ATRNL1: variants seen among roughly 807,000 people sequenced by gnomAD.
The protein encoded by ATRNL1 is attractin like 1, also known as attractin-like protein 1.
A neutral mutation model predicts 182.7 loss-of-function variants in ATRNL1; 95 were observed. The ratio of observed to expected loss-of-function variants is 0.52; its 90% CI spans 0.44 to 0.62. The LOEUF (loss-of-function observed/expected upper bound fraction) is 0.62, where lower values mean the gene tolerates loss of function less well. Among genes scored for constraint, ATRNL1 ranks in the 20% least tolerant of loss-of-function variants. The pLI is 0.00. For missense variants in ATRNL1, 1,471 were observed against 1,679.5 expected, an observed-to-expected ratio of 0.88 and a Z score of 2.17; for synonymous variants, 576 against 568.3, an observed-to-expected ratio of 1.01 and a Z score of -0.19.
At chr10:115,461,890 A>T in intron 21 of ATRNL1, 51 bp from the exon 22 acceptor site, 1 of 1,346,262 alleles carries the variant, frequency 7.4e-7, no homozygotes, top group Non-Finnish European at 1.0e-6. Flanking sequence ...TTTGCTTTTT[A>T]GACAGTTTTT....
chr10:115,600,835 A>T (rs916262999), intron 26 of ATRNL1, among the ~76,000 whole-genome samples: 2 of 151,530 alleles, frequency 1.3e-5, no homozygotes, highest in East Asian at 3.9e-4. Context: ...TTTTTTCTAA[A>T]TATTTATGGT....
At chr10:115,254,162 T>G (rs1263533938) in intron 10 of ATRNL1, among the ~76,000 whole-genome samples, 2 of 152,216 alleles carry the variant, frequency 1.3e-5, no homozygotes, top group East Asian at 1.9e-4. Flanking sequence ...GTAATGGGAT[T>G]GCTGGGTCAA....
At chr10:115,237,553 T>A (rs1362361507) in intron 9 of ATRNL1, among the ~76,000 whole-genome samples, 2 of 152,250 alleles carry the variant, frequency 1.3e-5, no homozygotes, top group Non-Finnish European at 2.9e-5. Flanking sequence ...TCTGTTCAGA[T>A]CTTTTGCCTT....
chr10:115,412,251 C>G (rs372958671), intron 20 of ATRNL1, among the ~76,000 whole-genome samples: 10 of 152,048 alleles, frequency 6.6e-5, no homozygotes, highest in Non-Finnish European at 1.5e-4. Context: ...CCAAGGCCCT[C>G]GGTCCTATAG....
chr10:115,623,686 C>A (rs1857918553), intron 26 of ATRNL1, among the ~76,000 whole-genome samples: 1 of 151,792 alleles, frequency 6.6e-6, no homozygotes, highest in African/African-American at 2.4e-5. Context: ...ATACCACAAT[C>A]AGTTTTTTTA....
chr10:115,856,447 A>AAAAAAAAAAAAAAAAAC (rs1951188636), intron 28 of ATRNL1, among the ~76,000 whole-genome samples: 1 of 147,568 alleles, frequency 6.8e-6, no homozygotes, highest in Admixed American at 6.8e-5. Context: ...AAAAAAAAAA[A>AAAAAAAAAAAAAAAAAC]AAAGCCATAC....
At chr10:115,322,347 G>T (rs1554931774) in intron 18 of ATRNL1, among the ~76,000 whole-genome samples, 3 of 151,516 alleles carry the variant, frequency 2.0e-5, no homozygotes, top group Admixed American at 1.3e-4. Context: ...ACCATTTCTG[G>T]TTTTCTTTAT....
intron 26 of ATRNL1, among the ~76,000 whole-genome samples, chr10:115,612,777 A>T (rs1306361409): frequency 6.6e-6 from 1 of 152,204 alleles, no homozygotes; most frequent in South Asian, 2.1e-4. Flanking sequence ...GCATGTGCGC[A>T]TGAGGGCCCT....
chr10:115,648,405 A>G (rs1032743700), intron 26 of ATRNL1, among the ~76,000 whole-genome samples: 7 of 152,318 alleles, frequency 4.6e-5, no homozygotes, highest in Admixed American at 1.3e-4. Context: ...ATTCAGTGCC[A>G]TCCCCATCAA....
intron 27 of ATRNL1, among the ~76,000 whole-genome samples, chr10:115,831,627 GCA>G (rs1950562424): frequency 6.6e-6 from 1 of 152,130 alleles, no homozygotes; most frequent in African/African-American, 2.4e-5. Context: ...TTCACTTCTT[GCA>G]CCGGCTAACA....
intron 18 of ATRNL1, among the ~76,000 whole-genome samples, chr10:115,318,406 ATTAG>A (rs1854413451): frequency 6.6e-6 from 1 of 152,194 alleles, no homozygotes; most frequent in African/African-American, 2.4e-5. Context: ...GCTTTATAAA[ATTAG>A]TTAGAGAGGA....
At chr10:115,419,755 A>G (rs377160810) in intron 20 of ATRNL1, among the ~76,000 whole-genome samples, 23 of 152,340 alleles carry the variant, frequency 1.5e-4, no homozygotes, top group African/African-American at 4.6e-4. Flanking sequence ...CTAGCAGAGG[A>G]CCTATGTATA....
At chr10:115,340,417 A>AG (rs1855687292) in intron 19 of ATRNL1, among the ~76,000 whole-genome samples, 1 of 149,750 alleles carries the variant, frequency 6.7e-6, no homozygotes. Flanking sequence ...CTGGGATTAC[A>AG]GGGGTGAGCC....
intron 9 of ATRNL1, among the ~76,000 whole-genome samples, chr10:115,224,265 A>G (rs1288282068): frequency 6.6e-6 from 1 of 151,830 alleles, no homozygotes; most frequent in Non-Finnish European, 1.5e-5. Flanking sequence ...TCATACTGAA[A>G]ATTTTCATAC....
At chr10:115,132,199 C>A (rs891789091) in intron 5 of ATRNL1, among the ~76,000 whole-genome samples, 27 of 151,776 alleles carry the variant, frequency 1.8e-4, no homozygotes, top group South Asian at 4.2e-4. Context: ...TTTGTCCTTG[C>A]GATAGTTTGC....
intron 19 of ATRNL1, among the ~76,000 whole-genome samples, chr10:115,391,694 A>AT (rs1844028637): frequency 6.6e-6 from 1 of 151,538 alleles, no homozygotes; most frequent in African/African-American, 2.4e-5. Context: ...TTGGGAAGGT[A>AT]TTATGATGCA....
chr10:115,438,863 T>C (rs1168499209), intron 21 of ATRNL1, among the ~76,000 whole-genome samples: 1 of 151,796 alleles, frequency 6.6e-6, no homozygotes, highest in Non-Finnish European at 1.5e-5. Flanking sequence ...GAAACATAAC[T>C]ACAGTTGACC....
At position 115,093,970 on chromosome 10, in the gene ATRNL1, T is replaced by C; in HGVS notation, c.220T>C (p.Cys74Arg). The change falls in exon 1 of 29, where the codon TGT (cysteine) becomes CGT (arginine). Residue 74 changes from cysteine (C) to arginine (R), a missense_variant. Coordinates refer to ENST00000355044, the MANE Select transcript of ATRNL1 (RefSeq NM_207303.4). This position sits in a 1 kb window ranked among gnomAD's most constrained non-coding sequence, Gnocchi z 6.1. ...GACCGGCTCCTGCTTCTCGGGCCGC[T>C]GTGTCAACTCCACCTGCCTCTGCGA... The part of the protein sequence containing the change: ...ERTGSCFSGR[C>R]VNSTCLCDPG... 6.3e-7 allele frequency: 1 copy of C among 1,587,452 alleles called. No individual in the cohort carries two copies.
chr10:115,310,644 T>C (rs1036741499), intron 17 of ATRNL1, among the ~76,000 whole-genome samples: 1 of 152,214 alleles, frequency 6.6e-6, no homozygotes, highest in Non-Finnish European at 1.5e-5. Context: ...TTGTCTCAAA[T>C]GATCTTTTGT....
Sources: allele counts gnomAD v4.1 joint callset (sites outside exome capture counted in the v4.1 genomes callset), GRCh38; gene constraint gnomAD v4.1.1; non-coding constraint Gnocchi (gnomAD v3.1); transcripts MANE v1.5; gene names NCBI Gene and HGNC (gene_info 2026-07-23, HGNC 2026-07-21).